Variants in SLC2A13 observed in about 807,000 individuals in gnomAD.
SLC2A13 encodes the protein solute carrier family 2 member 13.
In SLC2A13, 32 loss-of-function variants were observed where a neutral mutation model predicts 64.4. The ratio of observed to expected loss-of-function variants is 0.50; its 90% CI spans 0.37 to 0.67. SLC2A13 has a LOEUF of 0.67. SLC2A13 is among the 30% of genes least tolerant of loss of function. The probability of loss-of-function intolerance (pLI) is 0.00; values close to 1 mark genes in which losing one functional copy is unlikely to be tolerated. For synonymous variants in SLC2A13, 338 were observed against 327.1 expected (o/e 1.03, Z -0.36); for missense variants, 743 against 829.2 (o/e 0.90, Z 1.28).
At chr12:40,094,847 A>C (rs1938884928) in intron 1 of SLC2A13, among the ~76,000 whole-genome samples, 2 of 152,370 alleles carry the variant, frequency 1.3e-5, no homozygotes, top group South Asian at 4.1e-4. Context: ...ATGAGACAAA[A>C]GAGAAAGAGC....
intron 3 of SLC2A13, among the ~76,000 whole-genome samples, chr12:39,999,042 A>C (rs1027917707): frequency 2.0e-5 from 3 of 152,210 alleles, no homozygotes; most frequent in African/African-American, 7.2e-5. Flanking sequence ...TGAAGATTTC[A>C]TGGACACTTA....
chr12:40,090,232 T>C (rs935272962), intron 1 of SLC2A13, among the ~76,000 whole-genome samples: 3 of 152,216 alleles, frequency 2.0e-5, no homozygotes, highest in African/African-American at 7.2e-5. Flanking sequence ...CTAGTAATCA[T>C]CAGACTCTTT....
chr12:39,988,496 G>GA (rs1040477537), intron 3 of SLC2A13, among the ~76,000 whole-genome samples: 4 of 134,424 alleles, frequency 3.0e-5, no homozygotes, highest in Non-Finnish European at 6.4e-5. Context: ...GAAGGAAGGA[G>GA]AAAAAGAAAG....
At chr12:39,781,196 C>G (rs1182475436) in intron 7 of SLC2A13, among the ~76,000 whole-genome samples, 1 of 152,156 alleles carries the variant, frequency 6.6e-6, no homozygotes, top group Non-Finnish European at 1.5e-5. Context: ...TATCTCAATC[C>G]TTCCAAATCA....
At position 40,012,956 on chromosome 12, in the gene SLC2A13, T is replaced by G. The variant is rs558385324; in HGVS notation, c.925+15345A>C. Among the ~76,000 whole-genome samples the G allele has an allele frequency of 4.6e-5, 7 of 152,336 alleles. No homozygotes were observed. The East Asian group carries it at 1.4e-3, about 29-fold the overall frequency. ...TGACAGGAGATGCCACTTCTAACTC[T>G]GTGCTTTCAGTTTCTAAGTTCAAGT... On this transcript the variant is annotated intron_variant, in intron 3 of 9. Transcript: ENST00000280871.
chr12:40,042,768 T>C (rs1419513276), intron 2 of SLC2A13, among the ~76,000 whole-genome samples: 1 of 152,048 alleles, frequency 6.6e-6, no homozygotes, highest in South Asian at 2.1e-4. Context: ...TGAGAGGAGA[T>C]AGAAGAGTAA....
At chr12:40,028,125 G>C (rs145706588) in intron 3 of SLC2A13, among the ~76,000 whole-genome samples, 176 bp downstream of exon 3, 170 of 151,152 alleles carry the variant, frequency 1.1e-3, no homozygotes, top group Middle Eastern at 3.5e-3. Flanking sequence ...GAATATGGAA[G>C]GTCAATAATA....
chr12:40,080,544 C>T (rs1482240230), intron 1 of SLC2A13, among the ~76,000 whole-genome samples: 1 of 152,110 alleles, frequency 6.6e-6, no homozygotes, highest in Non-Finnish European at 1.5e-5. Context: ...GCATGTGCCA[C>T]TATGCCTGGC....
At chr12:40,090,376 C>T (rs1156669969) in intron 1 of SLC2A13, among the ~76,000 whole-genome samples, 1 of 152,102 alleles carries the variant, frequency 6.6e-6, no homozygotes, top group African/African-American at 2.4e-5. Context: ...TGGCTTATCT[C>T]TGCGTATCTT....
At chr12:39,998,960 A>G (rs1340078517) in intron 3 of SLC2A13, among the ~76,000 whole-genome samples, 2 of 152,150 alleles carry the variant, frequency 1.3e-5, no homozygotes, top group Admixed American at 6.5e-5. Flanking sequence ...CTGAGAGTAA[A>G]TAAGTGTTGC....
At chr12:39,971,948 C>T (rs1946652443) in intron 3 of SLC2A13, among the ~76,000 whole-genome samples, 1 of 134,632 alleles carries the variant, frequency 7.4e-6, no homozygotes. Flanking sequence ...GCACTCCAGC[C>T]TGGGAGATAA....
intron 9 of SLC2A13, among the ~76,000 whole-genome samples, chr12:39,764,067 C>G (rs1471043735): frequency 2.6e-5 from 4 of 152,096 alleles, no homozygotes; most frequent in Admixed American, 2.6e-4. Context: ...GGACGCTATG[C>G]CTGTCACAGG....
At chr12:40,068,764 CA>C (rs59875265) in intron 1 of SLC2A13, among the ~76,000 whole-genome samples, 2,443 of 132,048 alleles carry the variant, frequency 0.019, 28 homozygotes, top group African/African-American at 0.023. Context: ...ACATACTCTA[CA>C]AAAAAAAAAA....
chr12:40,090,592 T>C (rs1175657316), intron 1 of SLC2A13, among the ~76,000 whole-genome samples: 1 of 152,218 alleles, frequency 6.6e-6, no homozygotes, highest in South Asian at 2.1e-4. Flanking sequence ...TATATATTCA[T>C]GTTTATTTGA....
At chr12:39,996,574 G>A (rs569093684) in intron 3 of SLC2A13, among the ~76,000 whole-genome samples, 5 of 152,340 alleles carry the variant, frequency 3.3e-5, no homozygotes, top group Admixed American at 2.0e-4. Context: ...AGGAAAAAGT[G>A]GTTTTGTGGG....
At chr12:39,910,648 T>C (rs1945407937) in intron 4 of SLC2A13, among the ~76,000 whole-genome samples, 1 of 152,098 alleles carries the variant, frequency 6.6e-6, no homozygotes, top group African/African-American at 2.4e-5. Context: ...AGGTTCTAAT[T>C]TCAAGAAGTT....
chr12:39,956,654 T>C (rs1035494066), intron 3 of SLC2A13, among the ~76,000 whole-genome samples: 6 of 152,186 alleles, frequency 3.9e-5, no homozygotes, highest in Non-Finnish European at 7.3e-5. Flanking sequence ...ACTGAAGTAA[T>C]GAAGTCTGCT....
chr12:39,968,763 TATATATATATA>T (rs1946581817), intron 3 of SLC2A13, among the ~76,000 whole-genome samples: 23 of 108,850 alleles, frequency 2.1e-4, no homozygotes, highest in South Asian at 3.0e-4. Context: ...TTTTTTGGTA[TATATATATATA>T]TATATATATA....
In SLC2A13 at chr12:40,061,520, C is replaced by T. The variant is rs554303164; in HGVS notation, c.557-13310G>A. On this transcript the variant is annotated intron_variant, in intron 1 of 9. Transcript: ENST00000280871. ...AAAATAATACAAAGTTCTAAAGGTA[C>T]AGTGTAACAACTATGTACACAGCAT... 4.0e-4 allele frequency among the ~76,000 whole-genome samples: 61 copies of T among 152,216 alleles called. 1 individual carries two copies. In the Middle Eastern group the frequency reaches 0.01, roughly 25 times the overall value.
Sources: gnomAD v4.1 joint callset for allele counts (sites outside exome capture counted in the v4.1 genomes callset) on GRCh38, gnomAD v4.1.1 for gene constraint, MANE v1.5 for transcripts, NCBI Gene and HGNC (gene_info 2026-07-23, HGNC 2026-07-21) for gene names.